UTY: variants seen among roughly 807,000 people sequenced by gnomAD.
UTY encodes the protein ubiquitously transcribed tetratricopeptide repeat containing, Y-linked, also known as histone demethylase UTY.
UTY carries 12 observed loss-of-function variants against 32.5 expected under a neutral mutation model. The observed-to-expected ratio is 0.37, with a 90% CI of 0.24 to 0.60. The LOEUF is 0.60. UTY is among the 20% of genes least tolerant of loss of function. The pLI, the probability that UTY is intolerant of heterozygous loss-of-function variation, is 0.69. For missense variants in UTY, 303 were observed against 299.2 expected, an observed-to-expected ratio of 1.01 and a Z score of -0.09; for synonymous variants, 131 against 103.4, an observed-to-expected ratio of 1.27 and a Z score of -1.62.
intron 27 of UTY, among the ~76,000 whole-genome samples, chrY:13,268,392 T>C (rs1603277263): frequency 5.9e-5 from 2 of 33,734 alleles, no homozygotes; most frequent in East Asian, 1.6e-3. Flanking sequence ...CTTATGTTCT[T>C]CTTTAAACTG....
At chrY:13,358,832 CA>C (rs2063229567) in intron 13 of UTY, among the ~76,000 whole-genome samples, 1 of 33,127 alleles carries the variant, frequency 3.0e-5, no homozygotes, top group African/African-American at 1.2e-4. Flanking sequence ...ATAGAAATGT[CA>C]CTTAAGAAAT....
At chrY:13,383,076 C>T (rs2149436791) in intron 8 of UTY, among the ~76,000 whole-genome samples, 1 of 31,763 alleles carries the variant, frequency 3.1e-5, no homozygotes, top group Admixed American at 2.8e-4. Context: ...CAAGGCCGGA[C>T]GATCAATTGA....
intron 27 of UTY, chrY:13,286,518 A>G: frequency 4.4e-6 from 1 of 225,256 alleles, no homozygotes; most frequent in South Asian, 4.5e-5. Flanking sequence ...TAGCTAGGAT[A>G]GAAAAAAGAA....
intron 27 of UTY, among the ~76,000 whole-genome samples, chrY:13,272,617 G>A (rs938985992): frequency 6.2e-4 from 21 of 33,952 alleles, no homozygotes; most frequent in Admixed American, 5.4e-4. Context: ...GTACATTTAC[G>A]TTTAAGACAG....
chrY:13,414,474 C>T (rs2071407796), intron 5 of UTY, among the ~76,000 whole-genome samples: 1 of 33,930 alleles, frequency 2.9e-5, no homozygotes. Context: ...TTGTAATAAA[C>T]ATTACGGCAA....
intron 28 of UTY, among the ~76,000 whole-genome samples, chrY:13,243,064 G>A (rs2053919963): frequency 6.5e-5 from 2 of 30,921 alleles, no homozygotes; most frequent in Non-Finnish European, 7.8e-5. Flanking sequence ...ATGAAACCCC[G>A]TCTCTACTAA....
chrY:13,361,941 G>A (rs1603437860), intron 10 of UTY, among the ~76,000 whole-genome samples: 1 of 32,896 alleles, frequency 3.0e-5, no homozygotes, highest in South Asian at 6.9e-4. Context: ...GGGGAGGGGA[G>A]TTGTTGATAA....
At chrY:13,298,834 G>A (rs2058225159) in intron 26 of UTY, 123 bp downstream of exon 26, 1 of 98,958 alleles carries the variant, frequency 1.0e-5, no homozygotes, top group Non-Finnish European at 1.7e-5. Flanking sequence ...ATTAAAAATT[G>A]GTATTTTTTT....
downstream of UTY, among the ~76,000 whole-genome samples, chrY:13,244,276 T>C: frequency 3.0e-5 from 1 of 32,998 alleles, no homozygotes; most frequent in East Asian, 7.9e-4. Flanking sequence ...TAAAGACAAG[T>C]AGGTTAATGG....
chrY:13,302,480 C>T, intron 25 of UTY, among the ~76,000 whole-genome samples: 1 of 33,842 alleles, frequency 3.0e-5, no homozygotes, highest in Non-Finnish European at 7.3e-5. Context: ...CTCTTGTCAC[C>T]TACGACAGAA....
At position 13,355,145 on chromosome Y, in the gene UTY, C is replaced by A; in HGVS notation, c.1919G>T (p.Gly640Val). 7.5e-6 allele frequency: 3 copies of A among 398,178 alleles called. No homozygotes were observed. Among genetic ancestry groups the A allele is most frequent in the Non-Finnish European group, 1.1e-5 (3 of 283,330 alleles). ...ILGSTDTILLGSNCIAGSESN... is the reference protein window; with the variant it reads ...ILGSTDTILLVSNCIAGSESN... ...TTCACTTCCTGCTATACAATTACTG[C>A]CTAGCAAGATAGTGTCTGTACTTCC... is the stretch of plus-strand genomic sequence containing the variant. Residue 640 changes from glycine to valine, a missense_variant, in exon 17 of 30, where the codon GGC becomes GTC. Coordinates refer to ENST00000545955, the MANE Select transcript of UTY (RefSeq NM_001258249.2).
intron 6 of UTY, among the ~76,000 whole-genome samples, chrY:13,402,288 C>A (rs1603450710): frequency 3.0e-5 from 1 of 33,450 alleles, no homozygotes; most frequent in Non-Finnish European, 7.4e-5. Context: ...TATAACCTCT[C>A]GTCTTCATTT....
At chrY:13,417,969 G>T (rs929250141) in intron 4 of UTY, among the ~76,000 whole-genome samples, 4 of 31,746 alleles carry the variant, frequency 1.3e-4, no homozygotes, top group Non-Finnish European at 2.3e-4. Context: ...CAACATGCAG[G>T]TTTGTTACGT....
At chrY:13,411,264 A>G in intron 5 of UTY, 151 bp from the exon 6 acceptor site, 1 of 112,962 alleles carries the variant, frequency 8.9e-6, no homozygotes, top group Non-Finnish European at 1.5e-5. Context: ...TTAGAAAGGG[A>G]TAAGAAAGTG....
intron 4 of UTY, among the ~76,000 whole-genome samples, chrY:13,430,302 G>C: frequency 3.0e-5 from 1 of 33,207 alleles, no homozygotes; most frequent in South Asian, 6.7e-4. Context: ...GTTATTTTTT[G>C]TATGTTTGTC....
At chrY:13,356,523 G>A in intron 15 of UTY, among the ~76,000 whole-genome samples, 1 of 29,611 alleles carries the variant, frequency 3.4e-5, no homozygotes, top group Non-Finnish European at 8.1e-5. Flanking sequence ...AAGTGGAAAG[G>A]CGTGGTGCCT....
chrY:13,234,359 C>T, downstream of UTY, among the ~76,000 whole-genome samples: 9 of 33,960 alleles, frequency 2.7e-4, no homozygotes, highest in African/African-American at 9.2e-4. Context: ...TGGAGACTCC[C>T]GAAACCACAA....
chrY:13,408,054 T>C, intron 6 of UTY, among the ~76,000 whole-genome samples: 1 of 32,495 alleles, frequency 3.1e-5, no homozygotes, highest in Non-Finnish European at 7.7e-5. Flanking sequence ...AGCCCTCTGA[T>C]AGGAAATAAC....
intron 27 of UTY, among the ~76,000 whole-genome samples, chrY:13,284,289 T>C (rs2057212874): frequency 2.9e-5 from 1 of 34,092 alleles, no homozygotes; most frequent in Non-Finnish European, 7.3e-5. Context: ...CATAAGAATG[T>C]AGATTTTTAC....
Sources: allele counts gnomAD v4.1 joint callset (sites outside exome capture counted in the v4.1 genomes callset), GRCh38; gene constraint gnomAD v4.1.1; transcripts MANE v1.5; gene names NCBI Gene and HGNC (gene_info 2026-07-23, HGNC 2026-07-21).